Variants in LTBP1 observed in about 807,000 individuals in gnomAD.
LTBP1 encodes the protein latent-transforming growth factor beta-binding protein 1.
A neutral mutation model predicts 207.6 loss-of-function variants in LTBP1; 129 were observed. The observed-to-expected ratio is 0.62, with a 90% CI of 0.54 to 0.72. LTBP1 has a LOEUF of 0.72. LTBP1 is among the 30% of genes least tolerant of loss of function. LTBP1 has a pLI of 0.00. For missense variants in LTBP1, 2,281 were observed against 2,217.2 expected (o/e 1.03, Z -0.58); for synonymous variants, 963 against 833.7 (o/e 1.16, Z -2.67).
At chr2:33,183,401 A>G (rs1327431550) in intron 5 of LTBP1, among the ~76,000 whole-genome samples, 1 of 152,224 alleles carries the variant, frequency 6.6e-6, no homozygotes, top group African/African-American at 2.4e-5. Context: ...GCAGGGACCA[A>G]TCACCGACAG....
At chr2:33,174,516 C>G (rs10432658) in intron 5 of LTBP1, among the ~76,000 whole-genome samples, 8,421 of 151,464 alleles carry the variant, frequency 0.056, 258 homozygotes, top group Middle Eastern at 0.15. Flanking sequence ...AGGATACAAA[C>G]AAATGGAAGA....
intron 3 of LTBP1, among the ~76,000 whole-genome samples, chr2:33,053,645 C>G (rs2076852597): frequency 6.6e-6 from 1 of 151,908 alleles, no homozygotes; most frequent in South Asian, 2.1e-4. Flanking sequence ...TCCAAGGAAC[C>G]CCCACAAACT....
chr2:33,048,502 A>T (rs1482783721), intron 3 of LTBP1, among the ~76,000 whole-genome samples: 4 of 152,262 alleles, frequency 2.6e-5, no homozygotes, highest in Admixed American at 6.5e-5. Flanking sequence ...ACTCACACTC[A>T]GAGGAGCATG....
chr2:33,186,887 C>T lies in LTBP1; in HGVS notation c.1233C>T (p.Gly411=). ...VICHLPCMNG[G]QCSSRDKCQC... is the part of the protein sequence containing the mutation. ...GCCATCTTCCATGTATGAATGGTGG[C>T]CAGTGCAGTTCAAGGGACAAATGTC... is the stretch of plus-strand genomic sequence containing the variant. Residue 411 remains glycine, a synonymous_variant, in exon 6 of 34, where the codon GGC becomes GGT. Transcript: ENST00000404816. The T allele has an allele frequency of 6.2e-7, 1 of 1,614,058 alleles. No individual in the cohort carries two copies. The highest frequency in any genetic ancestry group is 1.1e-5 in the South Asian group (1 of 91,080).
intron 5 of LTBP1, among the ~76,000 whole-genome samples, chr2:33,151,123 C>G (rs919599246): frequency 1.3e-5 from 2 of 152,162 alleles, no homozygotes; most frequent in African/African-American, 4.8e-5. Flanking sequence ...TTTGCATACA[C>G]TACCTTTTGT....
At chr2:33,125,312 A>G (rs2081362426) in intron 4 of LTBP1, among the ~76,000 whole-genome samples, 1 of 152,170 alleles carries the variant, frequency 6.6e-6, no homozygotes, top group African/African-American at 2.4e-5. Flanking sequence ...CAGAATGGAT[A>G]TGACTGCAGC....
Position 33,266,418 on chromosome 2 carries a change from G to A in LTBP1, c.2617+3026G>A, listed in dbSNP as rs2148154552. ...GCAGACAGGTTCCTGGGTGGAAAGGGGTGAGTCCTCAGTGAAACCCCACCT... is the reference window on the plus strand; with the variant it reads ...GCAGACAGGTTCCTGGGTGGAAAGGAGTGAGTCCTCAGTGAAACCCCACCT... On this transcript the variant is annotated intron_variant, in intron 15 of 33. Coordinates refer to ENST00000404816, the MANE Select transcript of LTBP1 (RefSeq NM_206943.4). Among the ~76,000 whole-genome samples the A allele has an allele frequency of 3.9e-5, 6 of 152,276 alleles. 1 individual carries two copies. Among genetic ancestry groups the A allele is most frequent in the Admixed American group, 3.9e-4 (6 of 15,308 alleles).
At chr2:33,387,261 G>C (rs1457249762) in intron 31 of LTBP1, among the ~76,000 whole-genome samples, 4 of 152,186 alleles carry the variant, frequency 2.6e-5, no homozygotes, top group Non-Finnish European at 5.9e-5. Flanking sequence ...GATGACCTCA[G>C]CTCTTGAAAC....
intron 10 of LTBP1, among the ~76,000 whole-genome samples, chr2:33,250,564 G>T (rs1463621409): frequency 2.0e-5 from 3 of 152,118 alleles, no homozygotes; most frequent in Non-Finnish European, 4.4e-5. Context: ...TGAGGAAAGG[G>T]TAGATGAGAG....
At chr2:32,967,165 G>A (rs1228815957) in intron 2 of LTBP1, among the ~76,000 whole-genome samples, 2 of 151,946 alleles carry the variant, frequency 1.3e-5, no homozygotes, top group African/African-American at 4.8e-5. Context: ...CTATAATGAT[G>A]TTCCTGCTTT....
At chr2:33,216,787 T>G (rs773122382) in intron 7 of LTBP1, among the ~76,000 whole-genome samples, 1 of 152,134 alleles carries the variant, frequency 6.6e-6, no homozygotes, top group Non-Finnish European at 1.5e-5. Flanking sequence ...CCTCACCCCA[T>G]TGAGGTGGTC....
intron 2 of LTBP1, among the ~76,000 whole-genome samples, chr2:32,982,736 G>A (rs990016649): frequency 3.9e-5 from 6 of 152,178 alleles, no homozygotes; most frequent in East Asian, 3.8e-4. Context: ...TGCAAGCCCC[G>A]AGCCTTGGCA....
At chr2:33,373,314 G>T (rs565440958) in intron 31 of LTBP1, among the ~76,000 whole-genome samples, 1 of 152,296 alleles carries the variant, frequency 6.6e-6, no homozygotes, top group Admixed American at 6.5e-5. Flanking sequence ...ACATACAGAG[G>T]CATGGTCCTC....
chr2:32,950,633 A>G (rs1287044361), intron 2 of LTBP1, among the ~76,000 whole-genome samples: 2 of 151,520 alleles, frequency 1.3e-5, no homozygotes, highest in East Asian at 3.9e-4. Flanking sequence ...CAGGAGTCTG[A>G]GTCAAGAGAA....
intron 10 of LTBP1, among the ~76,000 whole-genome samples, chr2:33,248,337 T>C (rs1378634626): frequency 6.6e-6 from 1 of 152,104 alleles, no homozygotes; most frequent in East Asian, 1.9e-4. Flanking sequence ...AATTAAGGCA[T>C]AGAGGGGTTA....
chr2:33,309,426 GT>G lies in LTBP1; in HGVS notation c.3482-3del. 6.3e-7 allele frequency: 1 copy of G among 1,582,704 alleles called. No individual in the cohort carries two copies. Among genetic ancestry groups the G allele is most frequent in the South Asian group, 1.2e-5 (1 of 84,734 alleles). Reference sequence around the variant, plus strand: ...TTAGTCTTTAAAAATTTTTAAATTGGTTTTTAGATATCAATGAATGCTTGGA... The same window carrying G: ...TTAGTCTTTAAAAATTTTTAAATTGGTTTTAGATATCAATGAATGCTTGGA... On this transcript the variant is annotated splice_polypyrimidine_tract_variant and splice_region_variant and intron_variant, in intron 22 of 33. Transcript: ENST00000404816.
intron 19 of LTBP1, among the ~76,000 whole-genome samples, chr2:33,284,282 T>C (rs2093620218): frequency 6.6e-6 from 1 of 152,210 alleles, no homozygotes; most frequent in African/African-American, 2.4e-5. Context: ...CCCTAGTGTT[T>C]AGCTCAGGTC....
At chr2:33,213,624 A>C (rs2090471938) in intron 7 of LTBP1, among the ~76,000 whole-genome samples, 1 of 152,196 alleles carries the variant, frequency 6.6e-6, no homozygotes, top group African/African-American at 2.4e-5. Flanking sequence ...TATGGTGTTC[A>C]GTGGTCTCTT....
intron 26 of LTBP1, 86 bp downstream of exon 26, chr2:33,347,596 T>A: frequency 2.6e-6 from 4 of 1,519,662 alleles, no homozygotes; most frequent in Non-Finnish European, 3.6e-6. Context: ...ACGCTGGGAG[T>A]GAGATAAGAA....
Sources: allele counts gnomAD v4.1 joint callset (sites outside exome capture counted in the v4.1 genomes callset), GRCh38; gene constraint gnomAD v4.1.1; transcripts MANE v1.5; gene names NCBI Gene and HGNC (gene_info 2026-07-23, HGNC 2026-07-21).